The following SYT1 variants were observed in gnomAD, a reference collection of about 807,000 sequenced individuals.
SYT1 encodes the protein synaptotagmin-1.
A neutral mutation model predicts 44.8 loss-of-function variants in SYT1; 8 were observed. That is an observed-to-expected ratio of 0.18 (90% CI 0.10 to 0.32). SYT1 has a LOEUF of 0.32. Among genes scored for constraint, SYT1 ranks in the 10% least tolerant of loss-of-function variants. The pLI is 1.00. For missense variants in SYT1, 286 were observed against 509.3 expected (o/e 0.56, Z 4.22); for synonymous variants, 154 against 188.8 (o/e 0.82, Z 1.51).
intron 1 of SYT1, chr12:78,868,859 T>C (rs1411393458): frequency 2.0e-5 from 3 of 151,788 alleles, no homozygotes; most frequent in African/African-American, 7.2e-5. Flanking sequence ...GATTTTTATA[T>C]GTATCATGAT....
At chr12:79,219,508 T>C (rs1875022700) in intron 4 of SYT1, among the ~76,000 whole-genome samples, 1 of 152,100 alleles carries the variant, frequency 6.6e-6, no homozygotes, top group African/African-American at 2.4e-5. Flanking sequence ...TAATTCATTT[T>C]AGTTGATTTT....
In SYT1 at chr12:78,894,525, G is replaced by C. The variant is rs75479986; in HGVS notation, c.-217+29416G>C. On this transcript the variant is annotated intron_variant, in intron 1 of 10. Coordinates refer to ENST00000261205, the MANE Select transcript of SYT1 (RefSeq NM_005639.3). ...CCTCAGTTCCCTTACATTTTGATAC[G>C]CATCAAAATAATAGGATTCTCTTCA... Among the ~76,000 whole-genome samples the C allele has an allele frequency of 9.7e-3, 1,462 of 150,706 alleles. 30 individuals carry two copies. Among genetic ancestry groups the C allele is most frequent in the African/African-American group, 0.033 (1,377 of 41,160 alleles).
chr12:79,090,272 A>G (rs541351548), intron 3 of SYT1, among the ~76,000 whole-genome samples: 83 of 152,202 alleles, frequency 5.5e-4, no homozygotes, highest in African/African-American at 1.9e-3. Flanking sequence ...CAGCCTGTTC[A>G]AATTTTGATA....
chr12:79,237,776 G>A (rs1403677760), intron 4 of SYT1, among the ~76,000 whole-genome samples: 9 of 152,138 alleles, frequency 5.9e-5, no homozygotes, highest in Admixed American at 5.9e-4. Context: ...ATCATTTTCC[G>A]AGTGCTTAGT....
In SYT1 at chr12:79,355,670, CTA is replaced by C. The variant is rs371891270; in HGVS notation, c.928+2054_928+2055del. Among the ~76,000 whole-genome samples, 243 of 152,298 alleles carry C rather than the reference CTA, an allele frequency of 1.6e-3. 1 individual carries two copies. The highest frequency in any genetic ancestry group is 5.7e-3 in the African/African-American group (236 of 41,570). Reference sequence around the variant, plus strand: ...ACCAACACACTCTTTTGCAAACAAACTATACAACTTTCTGCCTCTATTACTTG... The same window carrying C: ...ACCAACACACTCTTTTGCAAACAAACTACAACTTTCTGCCTCTATTACTTG... On this transcript the variant is annotated intron_variant, in intron 9 of 10. Transcript: ENST00000261205.
At position 79,292,166 on chromosome 12, in the gene SYT1, A is replaced by G. The variant is rs1294267136; in HGVS notation, c.474+36A>G. The G allele has an allele frequency of 2.5e-6, 4 of 1,585,322 alleles. No homozygotes were observed. The African/African-American group carries it at 5.5e-5, about 22-fold the overall frequency. On this transcript the variant is annotated intron_variant, in intron 6 of 10. Transcript: ENST00000261205. ...GAGAAATGTCTTCTAATTCCATTAC[A>G]TTTTCTGAAATTACCAAGTAGAAAT...
At chr12:79,380,172 CACCCCCACCAAA>C (rs1301963672) in intron 9 of SYT1, among the ~76,000 whole-genome samples, 1 of 152,112 alleles carries the variant, frequency 6.6e-6, no homozygotes, top group African/African-American at 2.4e-5. Flanking sequence ...TCACCACTGC[CACCCCCACCAAA>C]AAATAAGAGA....
chr12:79,140,589 G>C (rs1044467998), intron 3 of SYT1, among the ~76,000 whole-genome samples: 1 of 152,148 alleles, frequency 6.6e-6, no homozygotes, highest in Non-Finnish European at 1.5e-5. Flanking sequence ...TTACCATGCA[G>C]GGTTCTACAG....
At chr12:79,313,204 C>T (rs1261413329) in intron 8 of SYT1, among the ~76,000 whole-genome samples, 1 of 152,164 alleles carries the variant, frequency 6.6e-6, no homozygotes, top group Non-Finnish European at 1.5e-5. Flanking sequence ...AATCAGATAG[C>T]TTTTACAGTT....
intron 3 of SYT1, among the ~76,000 whole-genome samples, chr12:79,070,708 C>T (rs1876211008): frequency 1.3e-5 from 2 of 151,886 alleles, no homozygotes; most frequent in Admixed American, 1.3e-4. Flanking sequence ...ACAACAGATA[C>T]TGGGGATTAC....
intron 1 of SYT1, among the ~76,000 whole-genome samples, chr12:78,896,357 A>T (rs571478323): frequency 6.6e-6 from 1 of 151,938 alleles, no homozygotes; most frequent in African/African-American, 2.4e-5. Context: ...TGATAAAGAA[A>T]TAACTGGGAA....
At chr12:79,033,111 C>T (rs2137680252) in intron 2 of SYT1, among the ~76,000 whole-genome samples, 1 of 151,386 alleles carries the variant, frequency 6.6e-6, no homozygotes. Flanking sequence ...AGTTGCCATT[C>T]ACATTAGACA....
At chr12:79,436,408 G>A (rs544009686) in intron 9 of SYT1, among the ~76,000 whole-genome samples, 1 of 152,154 alleles carries the variant, frequency 6.6e-6, no homozygotes, top group Non-Finnish European at 1.5e-5. Context: ...TTCTTATCAA[G>A]AGAAATATGG....
Position 79,254,598 on chromosome 12 carries a change from C to T in SYT1, c.167-31189C>T, listed in dbSNP as rs117557513. Among the ~76,000 whole-genome samples the T allele has an allele frequency of 3.6e-3, 543 of 152,240 alleles. 2 individuals carry two copies. Among genetic ancestry groups the T allele is most frequent in the Middle Eastern group, 6.8e-3 (2 of 294 alleles). ...TATTTGAGAAATACATTTTGTAAGACTGTAACTGCTGTATATAGTTATTCT... is the reference window on the plus strand; with the variant it reads ...TATTTGAGAAATACATTTTGTAAGATTGTAACTGCTGTATATAGTTATTCT... On this transcript the variant is annotated intron_variant, in intron 4 of 10. Coordinates refer to ENST00000261205, the MANE Select transcript of SYT1 (RefSeq NM_005639.3).
chr12:79,152,891 AAGT>A (rs1316272966), intron 3 of SYT1, among the ~76,000 whole-genome samples: 1 of 151,434 alleles, frequency 6.6e-6, no homozygotes, highest in African/African-American at 2.4e-5. Flanking sequence ...AAAAAAAAAA[AAGT>A]AAGAGAAATT....
At chr12:79,409,989 ATTAATGCTGTGTGTTC>A (rs1179557837) in intron 9 of SYT1, among the ~76,000 whole-genome samples, 1 of 152,062 alleles carries the variant, frequency 6.6e-6, no homozygotes, top group Non-Finnish European at 1.5e-5. Flanking sequence ...GGTGGGAGGA[ATTAATGCTGTGTGTTC>A]TTTTATTGCT....
In SYT1 at chr12:79,098,244, TTC is replaced by T. The variant is rs559554656; in HGVS notation, c.-18+50884_-18+50885del. ...GTCTTTCTGACACTAAAGCCATCAC[TTC>T]TTCCACGACACTGTCATCTCCAAAT... On this transcript the variant is annotated intron_variant, in intron 3 of 10. Coordinates refer to ENST00000261205, the MANE Select transcript of SYT1 (RefSeq NM_005639.3). Among the ~76,000 whole-genome samples the T allele has an allele frequency of 1.1e-3, 164 of 152,210 alleles. 2 individuals carry two copies. Among genetic ancestry groups the T allele is most frequent in the South Asian group, 4.1e-3 (20 of 4,832 alleles).
chr12:79,326,732 C>G (rs934211438), intron 8 of SYT1, among the ~76,000 whole-genome samples: 3 of 152,136 alleles, frequency 2.0e-5, no homozygotes, highest in Non-Finnish European at 4.4e-5. Flanking sequence ...CAAACAGTGG[C>G]ATTTTAAAGT....
At chr12:78,951,543 A>G (rs1425060281) in intron 1 of SYT1, among the ~76,000 whole-genome samples, 1 of 152,164 alleles carries the variant, frequency 6.6e-6, no homozygotes, top group East Asian at 1.9e-4. Context: ...CAACATTAAT[A>G]TGGTATCTAA....
Sources: allele counts gnomAD v4.1 joint callset (sites outside exome capture counted in the v4.1 genomes callset), GRCh38; gene constraint gnomAD v4.1.1; transcripts MANE v1.5; gene names NCBI Gene and HGNC (gene_info 2026-07-23, HGNC 2026-07-21).